SFXN5: variants seen among roughly 807,000 people sequenced by gnomAD.
SFXN5 encodes sideroflexin-5.
SFXN5 carries 43 observed loss-of-function variants against 50.2 expected under a neutral mutation model. The ratio of observed to expected loss-of-function variants is 0.86; its 90% CI spans 0.67 to 1.11. The LOEUF is 1.11. Among genes scored for constraint, SFXN5 ranks in the 50% least tolerant of loss-of-function variants. SFXN5 has a pLI of 0.00. For synonymous variants in SFXN5, 203 were observed against 185.8 expected, an observed-to-expected ratio of 1.09 and a Z score of -0.75; for missense variants, 463 against 454.1, an observed-to-expected ratio of 1.02 and a Z score of -0.18.
intron 10 of SFXN5, among the ~76,000 whole-genome samples, chr2:72,979,399 C>G (rs1671025404): frequency 6.6e-6 from 1 of 152,042 alleles, no homozygotes; most frequent in South Asian, 2.1e-4. Context: ...TTTGAGAGGC[C>G]AAGGCGGGTG....
rs768905463 is a variant in SFXN5, at chr2:73,040,915, G to A, written c.188C>T (p.Ala63Val). 6.2e-7 allele frequency: 1 copy of A among 1,612,904 alleles called. No individual in the cohort carries two copies. The change falls in exon 3 of 14, where the codon GCT becomes GTT. Residue 63 changes from alanine (A) to valine (V), a missense_variant. Ala to Val is a moderately conservative substitution (Grantham distance 64). Coordinates refer to ENST00000272433, the MANE Select transcript of SFXN5 (RefSeq NM_144579.3). ...CTTATAGTCCTCCAGCAGCTGCACA[G>A]CCTCTCTGAGACGTCTCTGCAGAAG... ...LFVTERRLRE[A>V]VQLLEDYKHG...
chr2:73,007,466 T>A (rs1471729608), intron 6 of SFXN5, among the ~76,000 whole-genome samples: 1 of 151,992 alleles, frequency 6.6e-6, no homozygotes, highest in Non-Finnish European at 1.5e-5. Flanking sequence ...CTCCAGGATG[T>A]CTCCTCTGAC....
At chr2:73,018,192 T>C (rs1158110891) in intron 6 of SFXN5, among the ~76,000 whole-genome samples, 1 of 134,838 alleles carries the variant, frequency 7.4e-6, no homozygotes, top group Admixed American at 8.4e-5. Context: ...TGGGTGACAG[T>C]GAGACAAAAT....
chr2:73,019,226 C>G (rs990734186), intron 6 of SFXN5, among the ~76,000 whole-genome samples: 6 of 152,006 alleles, frequency 3.9e-5, no homozygotes, highest in Non-Finnish European at 8.8e-5. Context: ...CAATAACAAG[C>G]AAAACTAAAA....
chr2:72,977,884 G>GTT (rs1446363144), intron 10 of SFXN5, among the ~76,000 whole-genome samples: 1 of 149,114 alleles, frequency 6.7e-6, no homozygotes, highest in African/African-American at 2.5e-5. Context: ...TGAGGCAAGA[G>GTT]AATCACTTGA....
At chr2:73,020,076 A>C in intron 6 of SFXN5, 163 bp downstream of exon 6, 1 of 642,136 alleles carries the variant, frequency 1.6e-6, no homozygotes, top group Non-Finnish European at 2.6e-6. Context: ...ATCAGCATCA[A>C]GAGATGTGGT....
chr2:73,043,392 G>C (rs1046791074), intron 2 of SFXN5, among the ~76,000 whole-genome samples: 1 of 152,238 alleles, frequency 6.6e-6, no homozygotes, highest in Admixed American at 6.5e-5. Flanking sequence ...CCTGTACTAT[G>C]GCAGCAGGAA....
intron 1 of SFXN5, among the ~76,000 whole-genome samples, chr2:73,064,283 C>T (rs939570809): frequency 1.3e-5 from 2 of 152,248 alleles, no homozygotes; most frequent in African/African-American, 4.8e-5. Flanking sequence ...AAGGCTGGGC[C>T]AGCCCAGTAG....
At chr2:73,062,028 GACC>G (rs1682847823) in intron 1 of SFXN5, among the ~76,000 whole-genome samples, 2 of 152,076 alleles carry the variant, frequency 1.3e-5, no homozygotes, top group African/African-American at 4.8e-5. Context: ...GAGGTAGGAG[GACC>G]ACTTCAGCCC....
intron 9 of SFXN5, among the ~76,000 whole-genome samples, chr2:72,990,260 GTCC>G (rs1302203518): frequency 6.6e-6 from 1 of 152,192 alleles, no homozygotes; most frequent in East Asian, 1.9e-4. Context: ...TCCAATCCTT[GTCC>G]TCCCAGCTCG....
intron 3 of SFXN5, among the ~76,000 whole-genome samples, chr2:73,031,417 G>A (rs1031732279): frequency 6.6e-6 from 1 of 152,206 alleles, no homozygotes; most frequent in Non-Finnish European, 1.5e-5. Context: ...TAATCCTGTG[G>A]GGCAGAGCTA....
intron 1 of SFXN5, among the ~76,000 whole-genome samples, chr2:73,060,328 G>A (rs997202267): frequency 1.3e-5 from 2 of 152,116 alleles, no homozygotes; most frequent in East Asian, 1.9e-4. Flanking sequence ...GTGATACCCC[G>A]AGAAGTCCAC....
chr2:73,050,988 A>G (rs1035495848), intron 2 of SFXN5, among the ~76,000 whole-genome samples: 2 of 152,308 alleles, frequency 1.3e-5, no homozygotes, highest in Middle Eastern at 3.4e-3. Context: ...ACCCTAGTTC[A>G]TTGCTCTCAA....
At chr2:72,946,682 C>T (rs190474957) in intron 13 of SFXN5, among the ~76,000 whole-genome samples, 14 of 152,264 alleles carry the variant, frequency 9.2e-5, no homozygotes, top group Admixed American at 3.9e-4. Context: ...GGAATGACGC[C>T]GCCATCCAGT....
At chr2:72,989,407 C>T (rs1672302582) in intron 9 of SFXN5, among the ~76,000 whole-genome samples, 1 of 152,156 alleles carries the variant, frequency 6.6e-6, no homozygotes, top group African/African-American at 2.4e-5. Flanking sequence ...ATAGTAATAC[C>T]TACAACACCC....
intron 1 of SFXN5, chr2:73,071,229 G>C (rs1331763132): frequency 4.2e-6 from 1 of 237,370 alleles, no homozygotes; most frequent in African/African-American, 2.3e-5. Context: ...GGCCAGACTA[G>C]AACTTTGCGT....
chr2:73,069,383 G>T (rs533714267), intron 1 of SFXN5, among the ~76,000 whole-genome samples: 1 of 152,162 alleles, frequency 6.6e-6, no homozygotes, highest in South Asian at 2.1e-4. Flanking sequence ...GCCTCTGGTT[G>T]CATTTAAAGG....
At chr2:72,980,958 A>T (rs1165719804) in intron 10 of SFXN5, 2 of 151,722 alleles carry the variant, frequency 1.3e-5, no homozygotes, top group African/African-American at 2.4e-5. Context: ...GAATTATAAA[A>T]CCCCAGAACT....
chr2:72,958,197 C>T (rs756745495), intron 13 of SFXN5, among the ~76,000 whole-genome samples: 24 of 152,196 alleles, frequency 1.6e-4, no homozygotes, highest in Non-Finnish European at 2.8e-4. Context: ...TAGACCGTTT[C>T]CTACCACCCA....
Sources: gnomAD v4.1 joint callset for allele counts (sites outside exome capture counted in the v4.1 genomes callset) on GRCh38, gnomAD v4.1.1 for gene constraint, MANE v1.5 for transcripts, NCBI Gene and HGNC (gene_info 2026-07-23, HGNC 2026-07-21) for gene names.